SDK1: variants seen among roughly 807,000 people sequenced by gnomAD.
SDK1 encodes the protein protein sidekick-1.
In SDK1, 157 loss-of-function variants were observed where a neutral mutation model predicts 245.5. The ratio of observed to expected loss-of-function variants is 0.64; its 90% CI spans 0.56 to 0.73. The LOEUF (loss-of-function observed/expected upper bound fraction) is 0.73. Ranked by LOEUF, SDK1 falls within the 30% of genes least tolerant of loss-of-function variation. The pLI, the probability that SDK1 is intolerant of heterozygous loss-of-function variation, is 0.00. For synonymous variants in SDK1, 1,647 were observed against 1,278.5 expected, an observed-to-expected ratio of 1.29 and a Z score of -6.15; for missense variants, 3,583 against 3,002.3, an observed-to-expected ratio of 1.19 and a Z score of -4.52.
chr7:3,498,256 A>G (rs1002711229), intron 1 of SDK1, among the ~76,000 whole-genome samples: 30 of 152,356 alleles, frequency 2.0e-4, no homozygotes, highest in African/African-American at 6.7e-4. Context: ...GTGTACTCAT[A>G]GACATAGATT....
intron 39 of SDK1, among the ~76,000 whole-genome samples, chr7:4,221,000 C>T (rs1315789411): frequency 6.6e-6 from 1 of 151,922 alleles, no homozygotes; most frequent in South Asian, 2.1e-4. Context: ...GCCCAAACTC[C>T]TGGGCTCAAG....
chr7:4,107,386 C>T (rs1012884384), intron 22 of SDK1, among the ~76,000 whole-genome samples: 2 of 152,102 alleles, frequency 1.3e-5, no homozygotes, highest in African/African-American at 2.4e-5. Context: ...GAGCCACGTG[C>T]GCCCTGACTG....
chr7:3,511,076 G>A (rs539527906), intron 1 of SDK1, among the ~76,000 whole-genome samples: 5 of 152,286 alleles, frequency 3.3e-5, no homozygotes, highest in Non-Finnish European at 2.9e-5. Context: ...CTTGGGCCAG[G>A]GTGGCAGGGG....
intron 28 of SDK1, among the ~76,000 whole-genome samples, chr7:4,140,219 A>G (rs593997): frequency 0.83 from 125,978 of 152,194 alleles, 52,492 homozygotes; most frequent in African/African-American, 0.92. Context: ...CTCTCAGATC[A>G]GTGGCTTTGC....
chr7:3,402,873 G>C (rs1005094843), intron 1 of SDK1, among the ~76,000 whole-genome samples: 3 of 152,182 alleles, frequency 2.0e-5, no homozygotes, highest in African/African-American at 7.2e-5. Context: ...GATAGCTTCT[G>C]ATTGATACAG....
At chr7:3,447,699 CTTT>C (rs56137514) in intron 1 of SDK1, among the ~76,000 whole-genome samples, 3,074 of 89,538 alleles carry the variant, frequency 0.034, 83 homozygotes, top group African/African-American at 0.11. Context: ...GCTTATATAT[CTTT>C]TTTTTTTTTT....
chr7:4,015,127 C>T (rs756445357), intron 16 of SDK1, among the ~76,000 whole-genome samples: 3 of 152,044 alleles, frequency 2.0e-5, no homozygotes, highest in Non-Finnish European at 4.4e-5. Context: ...TTCAGTGTCT[C>T]CTTTGACTCT....
intron 4 of SDK1, among the ~76,000 whole-genome samples, chr7:3,665,605 T>C (rs181934740): frequency 6.6e-6 from 1 of 152,340 alleles, no homozygotes; most frequent in East Asian, 1.9e-4. Flanking sequence ...TTTGTTTCCT[T>C]GTCCTTCTCT....
chr7:3,760,641 T>A (rs1554259062), intron 4 of SDK1, among the ~76,000 whole-genome samples: 1 of 152,232 alleles, frequency 6.6e-6, no homozygotes, highest in African/African-American at 2.4e-5. Context: ...TGGGGGACTT[T>A]TAGACTTCAG....
At chr7:4,180,166 A>T (rs1782506222) in intron 35 of SDK1, among the ~76,000 whole-genome samples, 1 of 152,134 alleles carries the variant, frequency 6.6e-6, no homozygotes, top group South Asian at 2.1e-4. Flanking sequence ...CTCCAGCTCT[A>T]TGCCCAGCGC....
At chr7:3,860,965 C>G (rs1460131535) in intron 5 of SDK1, among the ~76,000 whole-genome samples, 1 of 152,084 alleles carries the variant, frequency 6.6e-6, no homozygotes, top group Non-Finnish European at 1.5e-5. Context: ...CCAAGGTTAC[C>G]GGGGTCTCAG....
At chr7:3,698,041 G>C (rs930803614) in intron 4 of SDK1, among the ~76,000 whole-genome samples, 1 of 152,176 alleles carries the variant, frequency 6.6e-6, no homozygotes, top group Non-Finnish European at 1.5e-5. Flanking sequence ...CATTTAGCTT[G>C]CACTGGGTGT....
intron 4 of SDK1, among the ~76,000 whole-genome samples, chr7:3,780,637 C>T (rs1780701867): frequency 6.6e-6 from 1 of 152,194 alleles, no homozygotes. Flanking sequence ...AGACATTCAC[C>T]TCCTCCCATT....
chr7:3,642,598 CTCT>C (rs1436142017), intron 4 of SDK1, among the ~76,000 whole-genome samples: 1 of 152,042 alleles, frequency 6.6e-6, no homozygotes, highest in Non-Finnish European at 1.5e-5. Flanking sequence ...AGTTTTATTT[CTCT>C]TCATCTAATT....
At chr7:3,872,937 C>G (rs1417765256) in intron 5 of SDK1, among the ~76,000 whole-genome samples, 1 of 152,082 alleles carries the variant, frequency 6.6e-6, no homozygotes. Flanking sequence ...TATCAACACA[C>G]CAGATATTTT....
intron 1 of SDK1, among the ~76,000 whole-genome samples, chr7:3,589,390 G>T (rs1218110143): frequency 1.3e-5 from 2 of 152,194 alleles, no homozygotes; most frequent in Non-Finnish European, 2.9e-5. Context: ...TTTGATGTCA[G>T]TGCACAGACT....
intron 4 of SDK1, among the ~76,000 whole-genome samples, chr7:3,732,578 A>C (rs574439906): frequency 2.0e-5 from 3 of 152,286 alleles, no homozygotes; most frequent in African/African-American, 7.2e-5. Context: ...TTGTTCTCTT[A>C]CTGGCAAAAC....
chr7:3,355,940 A>G (rs1199969897), intron 1 of SDK1, among the ~76,000 whole-genome samples: 1 of 152,138 alleles, frequency 6.6e-6, no homozygotes, highest in Non-Finnish European at 1.5e-5. Context: ...ATGTTCCAGC[A>G]TTCATGGTAT....
chr7:3,504,251 G>C (rs1782316561), intron 1 of SDK1, among the ~76,000 whole-genome samples: 2 of 143,938 alleles, frequency 1.4e-5, no homozygotes, highest in African/African-American at 5.1e-5. Context: ...CCAGCTGGAT[G>C]CTGCTGTTGT....
Sources: allele counts gnomAD v4.1 joint callset (sites outside exome capture counted in the v4.1 genomes callset), GRCh38; gene constraint gnomAD v4.1.1; transcripts MANE v1.5; gene names NCBI Gene and HGNC (gene_info 2026-07-23, HGNC 2026-07-21).